The following C8orf34 variants were observed in gnomAD, a reference collection of about 807,000 sequenced individuals.
C8orf34 encodes chromosome 8 open reading frame 34, also known as uncharacterized protein C8orf34.
A neutral mutation model predicts 68.3 loss-of-function variants in C8orf34; 65 were observed. The ratio of observed to expected loss-of-function variants is 0.95; its 90% CI spans 0.78 to 1.17. C8orf34 has a LOEUF of 1.17. Among genes scored for constraint, C8orf34 ranks in the 50% most tolerant of loss-of-function variants. The pLI is 0.00. For synonymous variants in C8orf34, 244 were observed against 241.2 expected, an observed-to-expected ratio of 1.01 and a Z score of -0.11; for missense variants, 664 against 655.4, an observed-to-expected ratio of 1.01 and a Z score of -0.14.
intron 3 of C8orf34, among the ~76,000 whole-genome samples, chr8:68,462,004 TAAAG>T (rs1402481033): frequency 6.6e-6 from 1 of 152,070 alleles, no homozygotes; most frequent in African/African-American, 2.4e-5. Context: ...GCAAATTGGA[TAAAG>T]AGTCAAGACC....
Position 68,607,078 on chromosome 8 carries a change from G to A in C8orf34, c.1106-33298G>A, listed in dbSNP as rs1026887148. Among the ~76,000 whole-genome samples the A allele has an allele frequency of 8.6e-5, 13 of 151,944 alleles. 1 individual carries two copies. Among genetic ancestry groups the A allele is most frequent in the East Asian group, 3.9e-4 (2 of 5,178 alleles). On this transcript the variant is annotated intron_variant, in intron 7 of 13. Transcript: ENST00000518698. ...AAAACTCCCATCTGTGTTTCTTATC[G>A]TCAATCAGAGTCTATCGCCAACAGC...
rs370459494 is a variant in C8orf34, at chr8:68,674,692, TAAAG to T, written c.1241+34183_1241+34186del. On this transcript the variant is annotated intron_variant, in intron 8 of 13. Transcript: ENST00000518698. ...TGGCAAATCCAAGAGTTATTGAACT[TAAAG>T]AGGAGGTAGAGAGAGGTAGAAAGTT... 3.9e-3 allele frequency among the ~76,000 whole-genome samples: 588 copies of T among 152,050 alleles called. 3 individuals are homozygous for T. The highest frequency in any genetic ancestry group is 0.013 in the African/African-American group (553 of 41,446).
chr8:68,537,293 A>G (rs1217086685), intron 7 of C8orf34, among the ~76,000 whole-genome samples: 1 of 152,066 alleles, frequency 6.6e-6, no homozygotes, highest in Non-Finnish European at 1.5e-5. Flanking sequence ...AAAATAATCT[A>G]AAACACAAGG....
intron 8 of C8orf34, among the ~76,000 whole-genome samples, chr8:68,672,700 A>T (rs2130846570): frequency 6.6e-6 from 1 of 152,314 alleles, no homozygotes; most frequent in African/African-American, 2.4e-5. Flanking sequence ...GGCTACAAGA[A>T]TGACAATTCC....
chr8:68,617,047 CTTCT>C (rs1023511228), intron 7 of C8orf34, among the ~76,000 whole-genome samples: 1 of 152,118 alleles, frequency 6.6e-6, no homozygotes, highest in African/African-American at 2.4e-5. Context: ...ATGTAATGGC[CTTCT>C]TTGTCTCTTT....
chr8:68,499,881 G>A (rs753580296), intron 5 of C8orf34, among the ~76,000 whole-genome samples: 47 of 152,210 alleles, frequency 3.1e-4, no homozygotes, highest in Non-Finnish European at 5.9e-4. Context: ...GGGGCCTGGT[G>A]GGAGGTGATT....
At chr8:68,740,883 GGAATAC>G (rs1822270324) in intron 10 of C8orf34, among the ~76,000 whole-genome samples, 2 of 150,464 alleles carry the variant, frequency 1.3e-5, no homozygotes, top group Non-Finnish European at 2.9e-5. Context: ...TATACACTAT[GGAATAC>G]TATGCAGTCC....
intron 6 of C8orf34, among the ~76,000 whole-genome samples, chr8:68,524,640 AC>A (rs1392441950): frequency 6.6e-6 from 1 of 152,230 alleles, no homozygotes. Flanking sequence ...GTCAGATCCT[AC>A]CAATTGGTAT....
chr8:68,671,089 T>G (rs1014859793), intron 8 of C8orf34, among the ~76,000 whole-genome samples: 2 of 152,164 alleles, frequency 1.3e-5, no homozygotes, highest in Non-Finnish European at 2.9e-5. Context: ...AAATTTGAAT[T>G]TCTGTGTCTG....
intron 4 of C8orf34, among the ~76,000 whole-genome samples, chr8:68,475,570 A>G (rs907846390): frequency 6.6e-6 from 1 of 152,192 alleles, no homozygotes; most frequent in African/African-American, 2.4e-5. Context: ...ATAAGATGAC[A>G]TGGGTTTGGC....
chr8:68,654,327 G>A (rs1819450051), intron 8 of C8orf34, among the ~76,000 whole-genome samples: 1 of 152,154 alleles, frequency 6.6e-6, no homozygotes, highest in African/African-American at 2.4e-5. Flanking sequence ...TTTTGTTATA[G>A]GGCAGCCTGA....
rs1392808098 is a variant in C8orf34 at position 68,534,548 on chromosome 8, A to C, written c.1105+1399A>C. On this transcript the variant is annotated intron_variant, in intron 7 of 13. Transcript: ENST00000518698. The stretch of plus-strand genomic sequence containing the variant: ...TGTATAGGGGTAACACCTAAAGCAG[A>C]GGTAAGGGACAGTGACCCAGGAATG... 5.9e-6 allele frequency: 5 copies of C among 849,250 alleles called. No individual in the cohort carries two copies. The African/African-American group carries it at 7.4e-5, about 13-fold the overall frequency. 52.6% of individuals were successfully genotyped at this position (849,250 alleles called of 1,614,324 possible). A position where few individuals can be genotyped will look rare whatever the true frequency, so the allele number is the denominator to read the frequency against.
intron 3 of C8orf34, among the ~76,000 whole-genome samples, chr8:68,448,478 A>C (rs1459635459): frequency 6.6e-6 from 1 of 152,158 alleles, no homozygotes; most frequent in African/African-American, 2.4e-5. Flanking sequence ...CTGTACGTAG[A>C]TTGTGATGAG....
chr8:68,489,431 G>T (rs1458422972), intron 5 of C8orf34, among the ~76,000 whole-genome samples: 1 of 152,014 alleles, frequency 6.6e-6, no homozygotes, highest in Non-Finnish European at 1.5e-5. Flanking sequence ...GTGTTTTTTT[G>T]GATTTTGGAA....
At chr8:68,782,947 C>T (rs891130602) in intron 11 of C8orf34, among the ~76,000 whole-genome samples, 6 of 151,360 alleles carry the variant, frequency 4.0e-5, no homozygotes, top group African/African-American at 1.5e-4. Context: ...TGGCACGTGC[C>T]TGTAGTTCCA....
intron 9 of C8orf34, among the ~76,000 whole-genome samples, chr8:68,713,968 G>A (rs1821397868): frequency 6.6e-6 from 1 of 152,112 alleles, no homozygotes; most frequent in African/African-American, 2.4e-5. Context: ...TCATATCAGG[G>A]ATGCAGGGAT....
intron 1 of C8orf34, among the ~76,000 whole-genome samples, chr8:68,434,413 G>C (rs1810572292): frequency 6.6e-6 from 1 of 152,062 alleles, no homozygotes; most frequent in Non-Finnish European, 1.5e-5. Flanking sequence ...TTGGTTTTCT[G>C]TTCCTGTGTT....
intron 6 of C8orf34, chr8:68,530,631 G>A (rs866853049): frequency 7.3e-6 from 9 of 1,227,884 alleles, no homozygotes; most frequent in Middle Eastern, 4.5e-4. Context: ...GAGGACAGAT[G>A]CCATGGCAAG....
intron 1 of C8orf34, among the ~76,000 whole-genome samples, chr8:68,403,545 C>T (rs1809052275): frequency 6.6e-6 from 1 of 152,078 alleles, no homozygotes; most frequent in Non-Finnish European, 1.5e-5. Flanking sequence ...GCCCCCCACC[C>T]CCTGACAGGC....
Sources: gnomAD v4.1 joint callset for allele counts (sites outside exome capture counted in the v4.1 genomes callset) on GRCh38, gnomAD v4.1.1 for gene constraint, MANE v1.5 for transcripts, NCBI Gene and HGNC (gene_info 2026-07-23, HGNC 2026-07-21) for gene names.